Variants in MAPK10 observed in about 807,000 individuals in gnomAD.
The protein encoded by MAPK10 is mitogen-activated protein kinase 10.
Under a neutral mutation model 59.3 loss-of-function variants are expected in MAPK10, and 25 were observed. The ratio of observed to expected loss-of-function variants is 0.42; its 90% confidence interval spans 0.31 to 0.59. MAPK10 has a LOEUF of 0.59. MAPK10 is among the 20% of genes least tolerant of loss of function. MAPK10 has a pLI of 0.15. For synonymous variants in MAPK10, 190 were observed against 200.5 expected (o/e 0.95, Z 0.44); for missense variants, 351 against 568.9 (o/e 0.62, Z 3.90).
chr4:86,257,377 T>G (rs540242983), intron 2 of MAPK10, among the ~76,000 whole-genome samples: 10 of 152,344 alleles, frequency 6.6e-5, no homozygotes, highest in East Asian at 3.9e-4. Flanking sequence ...TGAATCCATG[T>G]ACCATATCCA....
intron 2 of MAPK10, among the ~76,000 whole-genome samples, chr4:86,281,458 G>A (rs552226446): frequency 2.5e-4 from 38 of 151,598 alleles, no homozygotes; most frequent in African/African-American, 8.5e-4. Flanking sequence ...CCAAGATCAC[G>A]TTCACTGCAC....
At chr4:86,229,278 A>G (rs2091169873) in intron 2 of MAPK10, among the ~76,000 whole-genome samples, 1 of 152,198 alleles carries the variant, frequency 6.6e-6, no homozygotes, top group African/African-American at 2.4e-5. Flanking sequence ...CAATACATCA[A>G]TTATACACCA....
At chr4:86,339,650 G>A (rs1420178491) in intron 2 of MAPK10, among the ~76,000 whole-genome samples, 1 of 152,148 alleles carries the variant, frequency 6.6e-6, no homozygotes, top group African/African-American at 2.4e-5. Flanking sequence ...CCTTGGAAAT[G>A]TTGCTTAACT....
At chr4:86,305,645 C>A (rs2095554047) in intron 2 of MAPK10, among the ~76,000 whole-genome samples, 1 of 151,978 alleles carries the variant, frequency 6.6e-6, no homozygotes, top group African/African-American at 2.4e-5. Flanking sequence ...ATGGCAAAAC[C>A]CTGTCTCTAC....
chr4:86,273,972 G>A (rs1338307912), intron 2 of MAPK10, among the ~76,000 whole-genome samples: 1 of 151,870 alleles, frequency 6.6e-6, no homozygotes, highest in African/African-American at 2.4e-5. Context: ...ATTCTTGTTT[G>A]AAAAATAGTT....
chr4:86,106,325 A>G (rs2056522080), intron 5 of MAPK10, among the ~76,000 whole-genome samples: 1 of 151,894 alleles, frequency 6.6e-6, no homozygotes, highest in African/African-American at 2.4e-5. Context: ...ATACATAAGA[A>G]CTTTGTAGAG....
intron 13 of MAPK10, among the ~76,000 whole-genome samples, chr4:86,025,787 T>C (rs1044530024): frequency 2.6e-5 from 4 of 152,204 alleles, no homozygotes; most frequent in Non-Finnish European, 4.4e-5. Flanking sequence ...ATTTCTCAGC[T>C]ACAAGTTATT....
At chr4:86,136,203 C>G (rs182100043) in intron 4 of MAPK10, among the ~76,000 whole-genome samples, 1 of 151,936 alleles carries the variant, frequency 6.6e-6, no homozygotes, top group Non-Finnish European at 1.5e-5. Flanking sequence ...AGATACTCCT[C>G]GAGAAGAGCA....
chr4:86,205,654 C>T lies in MAPK10; in HGVS notation c.-6-11247G>A, dbSNP rs555335175. Among the ~76,000 whole-genome samples, 9 of 151,628 alleles carry T rather than the reference C, an allele frequency of 5.9e-5. No individual in the cohort carries two copies. The East Asian group carries it at 1.7e-3, about 29-fold the overall frequency. On this transcript the variant is annotated intron_variant, in intron 2 of 13. Coordinates refer to ENST00000641462, the MANE Select transcript of MAPK10 (RefSeq NM_138982.4). ...TTATCCCAAGTATACAAGCATGTGGCAAATTGAGAATCTCTAGTAATATAA... is the reference window on the plus strand; with the variant it reads ...TTATCCCAAGTATACAAGCATGTGGTAAATTGAGAATCTCTAGTAATATAA...
chr4:86,024,489 T>G (rs537968102), intron 13 of MAPK10: 1 of 152,290 alleles, frequency 6.6e-6, no homozygotes, highest in East Asian at 1.9e-4. Flanking sequence ...CAGCCCCTTA[T>G]TATATGTAGT....
intron 1 of MAPK10, among the ~76,000 whole-genome samples, chr4:86,420,949 G>C (rs1053770504): frequency 6.6e-6 from 1 of 152,046 alleles, no homozygotes; most frequent in African/African-American, 2.4e-5. Flanking sequence ...GGGCATGGTG[G>C]CAGGTACCTA....
intron 2 of MAPK10, among the ~76,000 whole-genome samples, chr4:86,292,341 T>C (rs975022977): frequency 2.0e-5 from 3 of 152,178 alleles, no homozygotes; most frequent in Non-Finnish European, 4.4e-5. Context: ...ACAATCCTCA[T>C]CATTTCCTTC....
chr4:86,551,470 G>A (rs1565029839), intron 1 of MAPK10, among the ~76,000 whole-genome samples: 1 of 152,234 alleles, frequency 6.6e-6, no homozygotes, highest in East Asian at 1.9e-4. Context: ...AGCTGATAAA[G>A]TATACTCTTC....
intron 1 of MAPK10, among the ~76,000 whole-genome samples, chr4:86,558,684 G>A (rs1415178589): frequency 1.3e-5 from 2 of 151,994 alleles, no homozygotes; most frequent in Non-Finnish European, 2.9e-5. Flanking sequence ...AGTTTATATT[G>A]CCTCTTTGAG....
At chr4:86,472,860 C>A (rs1262626703) in intron 1 of MAPK10, among the ~76,000 whole-genome samples, 1 of 152,200 alleles carries the variant, frequency 6.6e-6, no homozygotes, top group Non-Finnish European at 1.5e-5. Context: ...TCATCCTCTT[C>A]ATTTACACAG....
intron 4 of MAPK10, among the ~76,000 whole-genome samples, chr4:86,136,738 G>C (rs28886577): frequency 0.18 from 26,955 of 151,062 alleles, 2,482 homozygotes; most frequent in African/African-American, 0.21. Context: ...ACACAGACTG[G>C]CAAATTGGAT....
At chr4:86,074,558 T>C (rs946603136) in intron 9 of MAPK10, among the ~76,000 whole-genome samples, 4 of 127,728 alleles carry the variant, frequency 3.1e-5, no homozygotes, top group Non-Finnish European at 5.1e-5. Flanking sequence ...TGTTTAGCGC[T>C]TCCTTCAGGA....
intron 5 of MAPK10, 167 bp downstream of exon 5, chr4:86,107,056 T>C (rs2056673736): frequency 2.1e-6 from 1 of 486,166 alleles, no homozygotes; most frequent in Non-Finnish European, 3.6e-6. Flanking sequence ...AGCAGAAAGC[T>C]ACCATGAGGA....
chr4:86,109,748 C>T (rs1289239419), intron 4 of MAPK10, among the ~76,000 whole-genome samples: 2 of 152,126 alleles, frequency 1.3e-5, no homozygotes, highest in African/African-American at 2.4e-5. Context: ...TGGGTATATA[C>T]CCGGTAATGG....
Sources: gnomAD v4.1 joint callset for allele counts (sites outside exome capture counted in the v4.1 genomes callset) on GRCh38, gnomAD v4.1.1 for gene constraint, MANE v1.5 for transcripts, NCBI Gene and HGNC (gene_info 2026-07-23, HGNC 2026-07-21) for gene names.